The following ATP6V0A4 variants were observed in gnomAD, a reference collection of about 807,000 sequenced individuals.
ATP6V0A4 encodes V-type proton ATPase 116 kDa subunit a 4.
Under a neutral mutation model 107.3 loss-of-function variants are expected in ATP6V0A4, and 86 were observed. The observed-to-expected ratio is 0.80, with a 90% CI of 0.67 to 0.96. The LOEUF is 0.96. ATP6V0A4 is among the 40% of genes least tolerant of loss of function. The probability of loss-of-function intolerance (pLI) is 0.00; values close to 1 mark genes in which losing one functional copy is unlikely to be tolerated. For missense variants in ATP6V0A4, 908 were observed against 1,045.6 expected, an observed-to-expected ratio of 0.87 and a Z score of 1.81; for synonymous variants, 353 against 381.4, an observed-to-expected ratio of 0.93 and a Z score of 0.87.
In ATP6V0A4 at chr7:138,763,975, A is replaced by ATAT. The variant is rs1554399506; in HGVS notation, c.292-951_292-950insATA. Among the ~76,000 whole-genome samples the ATAT allele has an allele frequency of 1.9e-3, 278 of 143,614 alleles. 1 individual carries two copies. The highest frequency in any genetic ancestry group is 9.8e-3 in the East Asian group (48 of 4,900). The allele number at this position is 143,614 out of a possible 152,430, so 94.2% of individuals were successfully genotyped here. A position where few individuals can be genotyped will look rare whatever the true frequency, so the allele number is the denominator to read the frequency against. Reference sequence around the variant, plus strand: ...TTTTCAGACTCTGTCTCAAAAAAAAAATATATATATATATATATGTATATA... The same window carrying ATAT: ...TTTTCAGACTCTGTCTCAAAAAAAAATATATATATATATATATATATGTATATA... On this transcript the variant is annotated intron_variant, in intron 5 of 21. Coordinates refer to ENST00000310018, the MANE Select transcript of ATP6V0A4 (RefSeq NM_020632.3).
chr7:138,710,618 T>C (rs1803690788), intron 20 of ATP6V0A4, among the ~76,000 whole-genome samples: 1 of 152,244 alleles, frequency 6.6e-6, no homozygotes, highest in African/African-American at 2.4e-5. Context: ...TTTAAAAAGA[T>C]TGAAATCCTA....
intron 1 of ATP6V0A4, 29 bp downstream of exon 1, chr7:138,798,005 C>T (rs1263840733): frequency 1.3e-6 from 2 of 1,549,052 alleles, no homozygotes; most frequent in East Asian, 2.4e-5. Context: ...GAGTTGCTTT[C>T]CAGCTCCTGC....
chr7:138,751,014 C>T (rs183605442), intron 11 of ATP6V0A4, among the ~76,000 whole-genome samples: 4 of 152,206 alleles, frequency 2.6e-5, no homozygotes, highest in Admixed American at 2.0e-4. Flanking sequence ...CTTCCTCCCG[C>T]CCCCAACCTT....
intron 14 of ATP6V0A4, among the ~76,000 whole-genome samples, chr7:138,743,669 C>T (rs1805756136): frequency 6.6e-6 from 1 of 152,148 alleles, no homozygotes; most frequent in African/African-American, 2.4e-5. Context: ...GTTTACCTAG[C>T]TCAGTCTTCA....
At chr7:138,726,851 C>G (rs1041621749) in intron 18 of ATP6V0A4, among the ~76,000 whole-genome samples, 45 of 152,068 alleles carry the variant, frequency 3.0e-4, no homozygotes, top group African/African-American at 1.0e-3. Context: ...TAGGAAAACC[C>G]TCTCTCCCTC....
At chr7:138,725,116 T>G (rs1467911657) in intron 18 of ATP6V0A4, among the ~76,000 whole-genome samples, 1 of 151,776 alleles carries the variant, frequency 6.6e-6, no homozygotes, top group Non-Finnish European at 1.5e-5. Context: ...ACCAAAAAAA[T>G]TAAAAAATAG....
chr7:138,747,381 T>A, intron 13 of ATP6V0A4, 44 bp downstream of exon 13: 3 of 1,588,890 alleles, frequency 1.9e-6, no homozygotes, highest in Non-Finnish European at 2.6e-6. Context: ...CAGATTTTCA[T>A]ATTCTGAAAA....
At chr7:138,718,626 GTGCCGCC>G (rs1804258737) in intron 19 of ATP6V0A4, among the ~76,000 whole-genome samples, 2 of 119,132 alleles carry the variant, frequency 1.7e-5, no homozygotes, top group Non-Finnish European at 3.4e-5. Context: ...GAATGGGGAG[GTGCCGCC>G]ACGGATGTCT....
At chr7:138,774,617 AATATATTATATACATTAT>A (rs1263562772) in intron 2 of ATP6V0A4, among the ~76,000 whole-genome samples, 24 of 53,518 alleles carry the variant, frequency 4.5e-4, no homozygotes, top group Admixed American at 7.1e-4. Flanking sequence ...CTATATATAT[AATATATTATATACATTAT>A]ATATATTATA....
chr7:138,716,580 G>T (rs1404309527), intron 19 of ATP6V0A4, among the ~76,000 whole-genome samples: 14 of 137,860 alleles, frequency 1.0e-4, no homozygotes, highest in Non-Finnish European at 1.4e-4. Flanking sequence ...TTTTTTGGGG[G>T]GGGGGGAGGG....
chr7:138,733,256 G>A, intron 16 of ATP6V0A4, 163 bp from the exon 17 acceptor site: 1 of 650,328 alleles, frequency 1.5e-6, no homozygotes, highest in Non-Finnish European at 1.8e-6. Flanking sequence ...CAGCAATCCT[G>A]TATGGATGCA....
At chr7:138,764,470 G>GA (rs556575580) in intron 5 of ATP6V0A4, among the ~76,000 whole-genome samples, 74 of 152,020 alleles carry the variant, frequency 4.9e-4, no homozygotes, top group African/African-American at 1.7e-3. Context: ...GGCTATCAGG[G>GA]AAAAAAAGGA....
At chr7:138,740,420 ATT>A (rs1805569245) in intron 14 of ATP6V0A4, among the ~76,000 whole-genome samples, 1 of 145,224 alleles carries the variant, frequency 6.9e-6, no homozygotes, top group Non-Finnish European at 1.5e-5. Flanking sequence ...ATGGGAAGAA[ATT>A]TCTTTTTTTT....
chr7:138,763,914 C>T (rs1806954348), intron 5 of ATP6V0A4, among the ~76,000 whole-genome samples: 2 of 149,786 alleles, frequency 1.3e-5, no homozygotes, highest in Admixed American at 6.7e-5. Flanking sequence ...GAGCAGAGGT[C>T]GCACCACTGC....
intron 3 of ATP6V0A4, among the ~76,000 whole-genome samples, chr7:138,770,843 T>C (rs969549322): frequency 2.0e-5 from 3 of 152,072 alleles, no homozygotes; most frequent in Non-Finnish European, 4.4e-5. Flanking sequence ...AGATGCTACA[T>C]AAGAGAAAAA....
chr7:138,777,060 A>C (rs938890414), intron 2 of ATP6V0A4, among the ~76,000 whole-genome samples: 3 of 151,802 alleles, frequency 2.0e-5, no homozygotes, highest in Admixed American at 6.6e-5. Context: ...GAGGCACGAG[A>C]ATCGCTTGAA....
intron 10 of ATP6V0A4, among the ~76,000 whole-genome samples, chr7:138,753,431 C>T (rs1055471476): frequency 5.3e-5 from 8 of 152,316 alleles, no homozygotes; most frequent in Middle Eastern, 3.4e-3. Context: ...CCTCCAGAAC[C>T]ATGACAGAAT....
intron 20 of ATP6V0A4, among the ~76,000 whole-genome samples, chr7:138,710,817 A>C (rs1803700135): frequency 6.6e-6 from 1 of 152,136 alleles, no homozygotes; most frequent in African/African-American, 2.4e-5. Flanking sequence ...AGAAAAATGC[A>C]CACAGAGACG....
Position 138,709,852 on chromosome 7 carries a change from G to A in ATP6V0A4, c.2258-57C>T, listed in dbSNP as rs751540506. 2.4e-4 allele frequency: 375 copies of A among 1,581,270 alleles called. 1 individual carries two copies. Among genetic ancestry groups the A allele is most frequent in the Non-Finnish European group, 3.1e-4 (364 of 1,159,552 alleles). ...TTGTAAATGCAGATTGTTATTTATT[G>A]TATTTTCTCATCTTTTTAATTAAAA... On this transcript the variant is annotated intron_variant, in intron 20 of 21. Coordinates refer to ENST00000310018, the MANE Select transcript of ATP6V0A4 (RefSeq NM_020632.3).
Sources: allele counts gnomAD v4.1 joint callset (sites outside exome capture counted in the v4.1 genomes callset), GRCh38; gene constraint gnomAD v4.1.1; transcripts MANE v1.5; gene names NCBI Gene and HGNC (gene_info 2026-07-23, HGNC 2026-07-21).